HES4: variants seen among roughly 807,000 people sequenced by gnomAD.
The protein encoded by HES4 is hes family bHLH transcription factor 4, also known as transcription factor HES-4.
In HES4, 17 loss-of-function variants were observed where a neutral mutation model predicts 10.7. The observed-to-expected ratio is 1.59, with a 90% confidence interval of 1.09 to 2.38. The LOEUF (loss-of-function observed/expected upper bound fraction) is 2.38. Ranked by LOEUF, HES4 falls within the 30% of genes most tolerant of loss-of-function variation. HES4 has a pLI of 0.00. For missense variants in HES4, 389 were observed against 332.1 expected, an observed-to-expected ratio of 1.17 and a Z score of -1.33; for synonymous variants, 189 against 159.7, an observed-to-expected ratio of 1.18 and a Z score of -1.38.
In HES4 at chr1:999,403, C is replaced by A; in HGVS notation, c.322G>T (p.Gly108Cys). ...AALSADPAVL[G>C]KYRAGFHECL... The stretch of plus-strand genomic sequence containing the variant: ...TCGTGGAAGCCGGCGCGGTACTTGC[C>A]CAGAACGGCGGGGTCGGCGCTGAGC... The change falls in exon 4 of 4, where the codon GGC becomes TGC. Residue 108 changes from glycine (G) to cysteine (C), a missense_variant. By Grantham distance (159) the Gly-to-Cys change is radical. Coordinates refer to ENST00000304952, the MANE Select transcript of HES4 (RefSeq NM_021170.4). The A allele has an allele frequency of 6.6e-7, 1 of 1,518,760 alleles. No homozygotes were observed. The highest frequency in any genetic ancestry group is 2.6e-5 in the East Asian group (1 of 38,514). The allele number at this position is 1,518,760 out of a possible 1,614,324, so 94.1% of individuals were successfully genotyped here. A position where few individuals can be genotyped will look rare whatever the true frequency, so the allele number is the denominator to read the frequency against.
In HES4 at chr1:999,082, GC is replaced by G; in HGVS notation, c.642del (p.Trp216GlyfsTer30). On this transcript the variant is annotated frameshift_variant, in exon 4 of 4. Transcript: ENST00000304952. LOFTEE classifies it high-confidence loss of function. ...CCTCAGCGCAGCCACGGCCTCCAGG[GC>G]CCACCCGGGCCCTGCGGCCCCGCCC... ...APRAGPQGPG[G>X]PWRPWLR 1 of 1,238,236 alleles carries G rather than the reference GC, an allele frequency of 8.1e-7. No individual in the cohort carries two copies. The highest frequency in any genetic ancestry group is 3.8e-5 in the South Asian group (1 of 26,548). 76.7% of individuals were successfully genotyped at this position (1,238,236 alleles called of 1,614,324 possible).
Position 999,756 on chromosome 1 carries a change from C to A in HES4, c.140G>T (p.Arg47Leu), listed in dbSNP as rs190676096. Residue 47 changes from arginine (R) to leucine (L), a missense_variant, in exon 2 of 4, where the codon CGA (arginine) becomes CTA (leucine). Coordinates refer to ENST00000304952, the MANE Select transcript of HES4 (RefSeq NM_021170.4). Reference protein sequence around the residue: ...SSKPVMEKRRRARINESLAQL... With the variant: ...SSKPVMEKRRLARINESLAQL... ...AGCGAGGCTCTCGTTAATACGCGCT[C>A]GGCGCCGCTTCTCCATGACCGGCTT... is the stretch of plus-strand genomic sequence containing the variant. 1 of 1,611,928 alleles carries A rather than the reference C, an allele frequency of 6.2e-7. No homozygotes were observed. Among genetic ancestry groups the A allele is most frequent in the African/African-American group, 1.3e-5 (1 of 74,914 alleles).
In HES4 at chr1:999,452, G is replaced by A. The variant is rs1046316941; in HGVS notation, c.293-20C>T. On this transcript the variant is annotated intron_variant, in intron 3 of 3. Transcript: ENST00000304952. Reference sequence around the variant, plus strand: ...GCGCGGCTGCGGGAGCGACACAGGAGGAGAGGTCGGTGCCGGGTCCCGGGG... The same window carrying A: ...GCGCGGCTGCGGGAGCGACACAGGAAGAGAGGTCGGTGCCGGGTCCCGGGG... 4.5e-6 allele frequency: 7 copies of A among 1,551,336 alleles called. No individual in the cohort carries two copies. Among genetic ancestry groups the A allele is most frequent in the Non-Finnish European group, 5.2e-6 (6 of 1,160,234 alleles).
Position 999,278 on chromosome 1 carries a change from C to CTGGCGCAGGCAGGCTGCCAGG in HES4, c.426_446dup (p.His142_Arg148dup). The CTGGCGCAGGCAGGCTGCCAGG allele has an allele frequency of 6.9e-7, 1 of 1,452,814 alleles. No individual in the cohort carries two copies. Among genetic ancestry groups the CTGGCGCAGGCAGGCTGCCAGG allele is most frequent in the Non-Finnish European group, 9.0e-7 (1 of 1,107,536 alleles). The allele number at this position is 1,452,814 out of a possible 1,614,324, so 90.0% of individuals were successfully genotyped here. A position where few individuals can be genotyped will look rare whatever the true frequency, so the allele number is the denominator to read the frequency against. ...AGGCCGGGCGGCGGGAGGGTCCCAG[C>CTGGCGCAGGCAGGCTGCCAGG]TGGCGCAGGCAGGCTGCCAGGTGGC... On this transcript the variant is annotated inframe_insertion, in exon 4 of 4. Transcript: ENST00000304952.
chr1:999,026 C>T lies in HES4; in HGVS notation c.*33G>A. 7.9e-7 allele frequency: 1 copy of T among 1,262,030 alleles called. No homozygotes were observed. The highest frequency in any genetic ancestry group is 1.0e-6 in the Non-Finnish European group (1 of 999,786). 78.2% of individuals were successfully genotyped at this position (1,262,030 alleles called of 1,614,324 possible). A position where few individuals can be genotyped will look rare whatever the true frequency, so the allele number is the denominator to read the frequency against. On this transcript the variant is annotated 3_prime_UTR_variant, in exon 4 of 4. Transcript: ENST00000304952. ...CAAAGGCCACGGCCCTAGAACGGGG[C>T]GCCGCCTCCGATGCAGTCTCAGGGC...
In HES4 at chr1:1,000,095, C is replaced by T; in HGVS notation, c.-122G>A. ...CTAGGGCGGATCCCGGCTCCAGGCC[C>T]GCGCGCGCCTCAGGCCGTTTCCCTA... is the stretch of plus-strand genomic sequence containing the variant. On this transcript the variant is annotated 5_prime_UTR_variant, in exon 1 of 4. Coordinates refer to ENST00000304952, the MANE Select transcript of HES4 (RefSeq NM_021170.4). The T allele has an allele frequency of 1.2e-6, 1 of 817,314 alleles. No individual in the cohort carries two copies. The highest frequency in any genetic ancestry group is 5.4e-5 in the East Asian group (1 of 18,356). The allele number at this position is 817,314 out of a possible 1,614,324, so 50.6% of individuals were successfully genotyped here.
rs1644004699 is a variant in HES4 at position 999,942 on chromosome 1, G to A, written c.32C>T (p.Ala11Val). The change falls in exon 1 of 4, where the codon GCC (alanine) becomes GTC (valine). Residue 11 changes from alanine to valine, a missense_variant. By Grantham distance (64) the Ala-to-Val change is moderately conservative (BLOSUM62 0). Transcript: ENST00000304952. MAADTPGKPS[A>V]SPMAGAPASA... ...GGCCGGCGCTCCTGCCATCGGCGAGGCGCTCGGTTTCCCCGGCGTGTCTGC... is the reference window on the plus strand; with the variant it reads ...GGCCGGCGCTCCTGCCATCGGCGAGACGCTCGGTTTCCCCGGCGTGTCTGC... 10 of 1,456,312 alleles carry A rather than the reference G, an allele frequency of 6.9e-6. No homozygotes were observed. The highest frequency in any genetic ancestry group is 9.0e-6 in the Non-Finnish European group (10 of 1,114,474). 90.2% of individuals were successfully genotyped at this position (1,456,312 alleles called of 1,614,324 possible).
rs1643982375 is a variant in HES4, at chr1:999,170, G to A, written c.555C>T (p.Pro185=). The A allele has an allele frequency of 3.2e-6, 4 of 1,251,656 alleles. No homozygotes were observed. The highest frequency in any genetic ancestry group is 4.3e-5 in the Admixed American group (1 of 23,140). 77.5% of individuals were successfully genotyped at this position (1,251,656 alleles called of 1,614,324 possible). A position where few individuals can be genotyped will look rare whatever the true frequency, so the allele number is the denominator to read the frequency against. ...GCAGCGGCGGCGCGAGCAGAGGGAA[G>A]GGGCCGCCGAGCGATGGCAGCAGCG... ...GRPLLPSLGG[P]FPLLAPPLLP... Residue 185 remains proline (P), a synonymous_variant, in exon 4 of 4, where the codon CCC becomes CCT. Coordinates refer to ENST00000304952, the MANE Select transcript of HES4 (RefSeq NM_021170.4).
In HES4 at chr1:999,283, G is replaced by A. The variant is rs1205992077; in HGVS notation, c.442C>T (p.Arg148Cys). ...RLLGHLAACLRQLGPSRRPAS... is the reference protein window; with the variant it reads ...RLLGHLAACLCQLGPSRRPAS... Reference sequence around the variant, plus strand: ...GGGCGGCGGGAGGGTCCCAGCTGGCGCAGGCAGGCTGCCAGGTGGCCCAGC... The same window carrying A: ...GGGCGGCGGGAGGGTCCCAGCTGGCACAGGCAGGCTGCCAGGTGGCCCAGC... Residue 148 changes from arginine to cysteine, a missense_variant, in exon 4 of 4, where the codon CGC becomes TGC. By Grantham distance (180) the Arg-to-Cys change is radical. Coordinates refer to ENST00000304952, the MANE Select transcript of HES4 (RefSeq NM_021170.4). 2.7e-6 allele frequency: 4 copies of A among 1,456,888 alleles called. No homozygotes were observed. The highest frequency in any genetic ancestry group is 6.0e-5 in the East Asian group (2 of 33,300). The allele number at this position is 1,456,888 out of a possible 1,614,324, so 90.2% of individuals were successfully genotyped here. A position where few individuals can be genotyped will look rare whatever the true frequency, so the allele number is the denominator to read the frequency against.
Position 999,150 on chromosome 1 carries a change from G to C in HES4, c.575C>G (p.Pro192Arg). ...LGGPFPLLAP[P>R]LLPGLTRALP... ...CGCCCGGGTCAGACCCGGCAGCAGCGGCGGCGCGAGCAGAGGGAAGGGGCC... is the reference window on the plus strand; with the variant it reads ...CGCCCGGGTCAGACCCGGCAGCAGCCGCGGCGCGAGCAGAGGGAAGGGGCC... Residue 192 changes from proline (P) to arginine (R), a missense_variant, in exon 4 of 4, where the codon CCG (proline) becomes CGG (arginine). Pro to Arg is a moderately radical substitution (Grantham distance 103, BLOSUM62 -2). Coordinates refer to ENST00000304952, the MANE Select transcript of HES4 (RefSeq NM_021170.4). 1 of 1,230,992 alleles carries C rather than the reference G, an allele frequency of 8.1e-7. No individual in the cohort carries two copies. Among genetic ancestry groups the C allele is most frequent in the Non-Finnish European group, 1.0e-6 (1 of 989,128 alleles). 76.3% of individuals were successfully genotyped at this position (1,230,992 alleles called of 1,614,324 possible). A position where few individuals can be genotyped will look rare whatever the true frequency, so the allele number is the denominator to read the frequency against.
At position 999,764 on chromosome 1, in the gene HES4, C is replaced by T; in HGVS notation, c.132G>A (p.Lys44=). The T allele has an allele frequency of 6.2e-7, 1 of 1,611,998 alleles. No individual in the cohort carries two copies. ...TCTCGTTAATACGCGCTCGGCGCCG[C>T]TTCTCCATGACCGGCTTGGAGGACT... ...HRKSSKPVME[K]RRRARINESL... Residue 44 remains lysine (K), a synonymous_variant, in exon 2 of 4, where the codon AAG becomes AAA. Coordinates refer to ENST00000304952, the MANE Select transcript of HES4 (RefSeq NM_021170.4).
At position 999,089 on chromosome 1, in the gene HES4, C is replaced by G; in HGVS notation, c.636G>C (p.Pro212=). The G allele has an allele frequency of 8.1e-7, 1 of 1,228,876 alleles. No individual in the cohort carries two copies. Among genetic ancestry groups the G allele is most frequent in the Non-Finnish European group, 1.0e-6 (1 of 985,560 alleles). 76.1% of individuals were successfully genotyped at this position (1,228,876 alleles called of 1,614,324 possible). Reference sequence around the variant, plus strand: ...GCAGCCACGGCCTCCAGGGCCCACCCGGGCCCTGCGGCCCCGCCCTGGGGG... The same window carrying G: ...GCAGCCACGGCCTCCAGGGCCCACCGGGGCCCTGCGGCCCCGCCCTGGGGG... ...PAAPRAGPQG[P]GGPWRPWLR is the part of the protein sequence containing the mutation. The change falls in exon 4 of 4, where the codon CCG becomes CCC. Residue 212 remains proline (P), a synonymous_variant. Transcript: ENST00000304952.
At position 999,788 on chromosome 1, in the gene HES4, C is replaced by T. The variant is rs757042561; in HGVS notation, c.109-1G>A. The T allele has an allele frequency of 9.9e-6, 16 of 1,610,548 alleles. No individual in the cohort carries two copies. The Admixed American group carries it at 1.2e-4, about 12-fold the overall frequency. ...GCTTCTCCATGACCGGCTTGGAGGA[C>T]TGCGGGTCGGGCACCGGCTGAGTCC... is the stretch of plus-strand genomic sequence containing the variant. On this transcript the variant is annotated splice_acceptor_variant, in intron 1 of 3. Transcript: ENST00000304952. LOFTEE classifies it high-confidence loss of function.
At position 999,219 on chromosome 1, in the gene HES4, G is replaced by T. The variant is rs996734809; in HGVS notation, c.506C>A (p.Ala169Glu). ...CGGGCGGCCCGCGTAGACCTCGGGC[G>T]CTGGGGCCTCTGCGGGGGCAGCCGG... ...LSPAAPAEAP[A>E]PEVYAGRPLL... The change falls in exon 4 of 4, where the codon GCG becomes GAG. Residue 169 changes from alanine (A) to glutamate (E), a missense_variant. Ala to Glu is a moderately radical substitution (Grantham distance 107, BLOSUM62 -1). Coordinates refer to ENST00000304952, the MANE Select transcript of HES4 (RefSeq NM_021170.4). 3.0e-6 allele frequency: 4 copies of T among 1,319,978 alleles called. No homozygotes were observed. Among genetic ancestry groups the T allele is most frequent in the Non-Finnish European group, 3.8e-6 (4 of 1,041,918 alleles). 81.8% of individuals were successfully genotyped at this position (1,319,978 alleles called of 1,614,324 possible). A position where few individuals can be genotyped will look rare whatever the true frequency, so the allele number is the denominator to read the frequency against.
intron 1 of HES4, 28 bp downstream of exon 1, chr1:999,838 C>T: frequency 1.3e-6 from 2 of 1,594,598 alleles, no homozygotes; most frequent in Non-Finnish European, 8.5e-7. Context: ...CCCCCGGTCG[C>T]CCCCCTCACG....
In HES4 at chr1:999,007, C is replaced by A; in HGVS notation, c.*52G>T. On this transcript the variant is annotated 3_prime_UTR_variant, in exon 4 of 4. Coordinates refer to ENST00000304952, the MANE Select transcript of HES4 (RefSeq NM_021170.4). ...TTCTCTGCTACAGTCTCGGCAAAGG[C>A]CACGGCCCTAGAACGGGGCGCCGCC... 1.6e-6 allele frequency: 2 copies of A among 1,252,724 alleles called. No individual in the cohort carries two copies. Among genetic ancestry groups the A allele is most frequent in the South Asian group, 6.7e-5 (2 of 30,026 alleles). The allele number at this position is 1,252,724 out of a possible 1,614,324, so 77.6% of individuals were successfully genotyped here. A position where few individuals can be genotyped will look rare whatever the true frequency, so the allele number is the denominator to read the frequency against.
rs1557668124 is a variant in HES4, at chr1:999,573, T to C, written c.245A>G (p.Glu82Gly). Residue 82 changes from glutamate to glycine, a missense_variant, in exon 3 of 4, where the codon GAG becomes GGG. Coordinates refer to ENST00000304952, the MANE Select transcript of HES4 (RefSeq NM_021170.4). ...GCTCCGCAGGTGTCTCACGGTCATC[T>C]CCAGGATGTCCGCCTTCTCCAGCTT... ...HSKLEKADIL[E>G]MTVRHLRSLR... The C allele has an allele frequency of 6.2e-7, 1 of 1,609,414 alleles. No individual in the cohort carries two copies. Among genetic ancestry groups the C allele is most frequent in the Non-Finnish European group, 8.5e-7 (1 of 1,178,668 alleles).
In HES4 at chr1:999,204, G is replaced by A; in HGVS notation, c.521C>T (p.Ala174Val). Reference protein sequence around the residue: ...PAEAPAPEVYAGRPLLPSLGG... With the variant: ...PAEAPAPEVYVGRPLLPSLGG... The stretch of plus-strand genomic sequence containing the variant: ...GAGCGATGGCAGCAGCGGGCGGCCC[G>A]CGTAGACCTCGGGCGCTGGGGCCTC... The change falls in exon 4 of 4, where the codon GCG becomes GTG. Residue 174 changes from alanine to valine, a missense_variant. Physicochemically the swap from Ala to Val is moderately conservative, Grantham distance 64. Transcript: ENST00000304952. 7.8e-7 allele frequency: 1 copy of A among 1,289,440 alleles called. No homozygotes were observed. Among genetic ancestry groups the A allele is most frequent in the Non-Finnish European group, 9.8e-7 (1 of 1,023,908 alleles). 79.9% of individuals were successfully genotyped at this position (1,289,440 alleles called of 1,614,324 possible).
chr1:999,991 C>G lies in HES4; in HGVS notation c.-18G>C. On this transcript the variant is annotated 5_prime_UTR_variant, in exon 1 of 4. Coordinates refer to ENST00000304952, the MANE Select transcript of HES4 (RefSeq NM_021170.4). ...GCGGCCATGGTGCGCCCCGCGCCTC[C>G]CCGTGCCGGGTGGAGCGCGCCGCCA... 1 of 1,382,024 alleles carries G rather than the reference C, an allele frequency of 7.2e-7. No homozygotes were observed. The highest frequency in any genetic ancestry group is 9.3e-7 in the Non-Finnish European group (1 of 1,075,594). 85.6% of individuals were successfully genotyped at this position (1,382,024 alleles called of 1,614,324 possible).
Sources: gnomAD v4.1 joint callset for allele counts on GRCh38, gnomAD v4.1.1 for gene constraint, MANE v1.5 for transcripts, NCBI Gene and HGNC (gene_info 2026-07-23, HGNC 2026-07-21) for gene names.